JAKMIP3: variants seen among roughly 807,000 people sequenced by gnomAD.
JAKMIP3 encodes janus kinase and microtubule-interacting protein 3.
In JAKMIP3, 58 loss-of-function variants were observed where a neutral mutation model predicts 118.5. That is an observed-to-expected ratio of 0.49 (90% CI 0.40 to 0.61). The LOEUF is 0.61. JAKMIP3 is among the 20% of genes least tolerant of loss of function. The probability of loss-of-function intolerance (pLI) is 0.00; values close to 1 mark genes in which losing one functional copy is unlikely to be tolerated. For missense variants in JAKMIP3, 950 were observed against 1,109.0 expected, an observed-to-expected ratio of 0.86 and a Z score of 2.04; for synonymous variants, 486 against 451.2, an observed-to-expected ratio of 1.08 and a Z score of -0.98.
At chr10:132,075,555 A>G (rs2040657925) in intron 1 of JAKMIP3, among the ~76,000 whole-genome samples, 1 of 151,956 alleles carries the variant, frequency 6.6e-6, no homozygotes. Flanking sequence ...GATTACAGGC[A>G]TGCACCACCA....
intron 1 of JAKMIP3, among the ~76,000 whole-genome samples, chr10:132,057,690 C>T (rs1363643834): frequency 6.6e-6 from 1 of 152,212 alleles, no homozygotes; most frequent in African/African-American, 2.4e-5. Flanking sequence ...TCTGCTCTTT[C>T]GAGTACAGCA....
At position 132,150,049 on chromosome 10, in the gene JAKMIP3, G is replaced by C. The variant is rs201564425; in HGVS notation, c.2007+8G>C. On this transcript the variant is annotated splice_region_variant and intron_variant, in intron 16 of 23. Transcript: ENST00000684848. ...GGCGATAACGCCGTAAGTGTATGTCGCTCTCCTGGCTTGTGCATGCCTCTT... is the reference window on the plus strand; with the variant it reads ...GGCGATAACGCCGTAAGTGTATGTCCCTCTCCTGGCTTGTGCATGCCTCTT... The C allele has an allele frequency of 1.3e-6, 2 of 1,592,132 alleles. No homozygotes were observed. The highest frequency in any genetic ancestry group is 1.7e-6 in the Non-Finnish European group (2 of 1,170,660).
In JAKMIP3 at chr10:132,163,121, C is replaced by G. The variant is rs374646714; in HGVS notation, c.2221-88C>G. 3.1e-6 allele frequency: 4 copies of G among 1,271,400 alleles called. No individual in the cohort carries two copies. The South Asian group carries it at 5.7e-5, about 18-fold the overall frequency. The allele number at this position is 1,271,400 out of a possible 1,614,324, so 78.8% of individuals were successfully genotyped here. Reference sequence around the variant, plus strand: ...ATATCCTCTTGGCCCTGCTCCCAGGCGGAGGGTGGCCCGGCCTCCGTTGCC... The same window carrying G: ...ATATCCTCTTGGCCCTGCTCCCAGGGGGAGGGTGGCCCGGCCTCCGTTGCC... On this transcript the variant is annotated intron_variant, in intron 19 of 23. Coordinates refer to ENST00000684848, the MANE Select transcript of JAKMIP3 (RefSeq NM_001323087.2).
At chr10:132,182,207 G>A (rs1317993043) in intron 23 of JAKMIP3, 150 bp from the exon 24 acceptor site, 2 of 152,388 alleles carry the variant, frequency 1.3e-5, no homozygotes, top group Admixed American at 6.5e-5. Context: ...CTGGACCCAT[G>A]AGGGCAGTGC....
intron 1 of JAKMIP3, among the ~76,000 whole-genome samples, chr10:132,069,365 C>T (rs923284695): frequency 1.3e-5 from 2 of 152,082 alleles, no homozygotes; most frequent in African/African-American, 2.4e-5. Flanking sequence ...TGACCTGTTT[C>T]GTGTTAAGCT....
At chr10:132,145,919 A>G (rs1020588053) in intron 13 of JAKMIP3, among the ~76,000 whole-genome samples, 13 of 152,182 alleles carry the variant, frequency 8.5e-5, no homozygotes, top group African/African-American at 2.7e-4. Flanking sequence ...TATTGAGACC[A>G]CTAGAATCAT....
chr10:132,143,365 C>T (rs1195462795), intron 11 of JAKMIP3, among the ~76,000 whole-genome samples: 2 of 152,074 alleles, frequency 1.3e-5, no homozygotes, highest in African/African-American at 2.4e-5. Context: ...TCCCTCACAG[C>T]GGGGGCGGGG....
intron 19 of JAKMIP3, among the ~76,000 whole-genome samples, chr10:132,157,950 GAA>G (rs1040681334): frequency 2.0e-5 from 3 of 146,630 alleles, no homozygotes; most frequent in Non-Finnish European, 4.5e-5. Flanking sequence ...ACTTCGTACA[GAA>G]AAAAAAAAGA....
At chr10:132,058,115 T>C (rs1482836774) in intron 1 of JAKMIP3, among the ~76,000 whole-genome samples, 1 of 152,182 alleles carries the variant, frequency 6.6e-6, no homozygotes, top group African/African-American at 2.4e-5. Flanking sequence ...GGAATGAGTC[T>C]CAGATCCTGT....
intron 19 of JAKMIP3, among the ~76,000 whole-genome samples, chr10:132,158,377 T>C (rs1442318589): frequency 1.3e-5 from 2 of 152,058 alleles, no homozygotes; most frequent in African/African-American, 2.4e-5. Context: ...GGACACCCCA[T>C]GGGATTAGAG....
intron 1 of JAKMIP3, among the ~76,000 whole-genome samples, chr10:132,048,197 C>T (rs181396493): frequency 1.3e-5 from 2 of 152,330 alleles, no homozygotes; most frequent in South Asian, 2.1e-4. Flanking sequence ...CTGGTTTCTC[C>T]TCGGGGAAGG....
In JAKMIP3 at chr10:132,179,730, C is replaced by T. The variant is rs2060529924; in HGVS notation, c.*1104-2627C>T. ...AGGGCCACACCACGGCAGGGTCGCA[C>T]CACAGCAGGGTCACGCCACGGCAGG... On this transcript the variant is annotated intron_variant, in intron 23 of 23. Transcript: ENST00000684848. The surrounding 1 kb of genome is among the most constrained non-coding windows in gnomAD (Gnocchi z 4.3). 6.6e-6 allele frequency among the ~76,000 whole-genome samples: 1 copy of T among 152,032 alleles called. No homozygotes were observed.
At chr10:132,139,460 G>A (rs370293474) in intron 9 of JAKMIP3, among the ~76,000 whole-genome samples, 2 of 150,732 alleles carry the variant, frequency 1.3e-5, no homozygotes, top group Non-Finnish European at 3.0e-5. Context: ...ATATGTGTCT[G>A]CATGTGTGTA....
chr10:132,142,018 A>G lies in JAKMIP3; in HGVS notation c.1572A>G (p.Gly524=), dbSNP rs1421216627. Residue 524 remains glycine, a synonymous_variant, in exon 11 of 24, where the codon GGA becomes GGG. Coordinates refer to ENST00000684848, the MANE Select transcript of JAKMIP3 (RefSeq NM_001323087.2). ...RAYALLQEQV[G]GTLDAEREVK... is the part of the protein sequence containing the mutation. ...ACGCTTTGTTGCAGGAGCAGGTTGGAGGGACGCTGGACGCAGAGCGAGAAG... is the reference window on the plus strand; with the variant it reads ...ACGCTTTGTTGCAGGAGCAGGTTGGGGGGACGCTGGACGCAGAGCGAGAAG... 6.2e-7 allele frequency: 1 copy of G among 1,609,098 alleles called. No individual in the cohort carries two copies. Among genetic ancestry groups the G allele is most frequent in the Non-Finnish European group, 8.5e-7 (1 of 1,178,026 alleles).
chr10:132,044,143 C>G lies in JAKMIP3; in HGVS notation c.-138+7405C>G, dbSNP rs1589999068. Among the ~76,000 whole-genome samples, 1 of 152,228 alleles carries G rather than the reference C, an allele frequency of 6.6e-6. No homozygotes were observed. Among genetic ancestry groups the G allele is most frequent in the African/African-American group, 2.4e-5 (1 of 41,466 alleles). On this transcript the variant is annotated intron_variant, in intron 1 of 23. Transcript: ENST00000657785. This position sits in a 1 kb window ranked among gnomAD's most constrained non-coding sequence, Gnocchi z 5.3. ...CTGCTCCCCTGGGACCAGCCCGATG[C>G]CTGGTGGGGGGGCTTCTCTGGGCCC...
At chr10:132,144,471 C>G (rs2054207505) in intron 11 of JAKMIP3, 1 of 152,428 alleles carries the variant, frequency 6.6e-6, no homozygotes, top group Non-Finnish European at 1.5e-5. Flanking sequence ...ACAAAGCCCT[C>G]TGGCCGGCAC....
intron 23 of JAKMIP3, among the ~76,000 whole-genome samples, chr10:132,177,470 A>G (rs1391940361): frequency 6.7e-6 from 1 of 150,028 alleles, no homozygotes. Flanking sequence ...GTGTGTGTGC[A>G]CACTGTGCAT....
At chr10:132,036,772 G>T (rs2037512486) in intron 1 of JAKMIP3, among the ~76,000 whole-genome samples, 1 of 151,448 alleles carries the variant, frequency 6.6e-6, no homozygotes, top group Non-Finnish European at 1.5e-5. Context: ...CGCGACCGGG[G>T]GCCGGGCCTC....
At position 132,045,917 on chromosome 10, in the gene JAKMIP3, G is replaced by C. The variant is rs557673643; in HGVS notation, c.-138+9179G>C. 1.2e-4 allele frequency among the ~76,000 whole-genome samples: 17 copies of C among 140,280 alleles called. No individual in the cohort carries two copies. In the South Asian group the frequency reaches 4.1e-3, roughly 34 times the overall value. The allele number at this position is 140,280 out of a possible 152,430, so 92.0% of individuals were successfully genotyped here. On this transcript the variant is annotated intron_variant, in intron 1 of 23. Coordinates refer to the JAKMIP3 transcript ENST00000657785. ...TCACTGCACTCCAGCCTGGGTGACA[G>C]AGCAAGATCCTGTCTTAAAAAAAAA... is the stretch of plus-strand genomic sequence containing the variant.
Sources: gnomAD v4.1 joint callset for allele counts (sites outside exome capture counted in the v4.1 genomes callset) on GRCh38, gnomAD v4.1.1 for gene constraint, Gnocchi (gnomAD v3.1) non-coding constraint, MANE v1.5 for transcripts, NCBI Gene and HGNC (gene_info 2026-07-23, HGNC 2026-07-21) for gene names.